KCNK12: variants seen among roughly 807,000 people sequenced by gnomAD.
KCNK12 encodes potassium channel subfamily K member 12.
Under a neutral mutation model 25.3 loss-of-function variants are expected in KCNK12, and 6 were observed. That is an observed-to-expected ratio of 0.24 (90% CI 0.13 to 0.47). The LOEUF is 0.47. Among genes scored for constraint, KCNK12 ranks in the 20% least tolerant of loss-of-function variants. KCNK12 has a pLI of 0.99. For missense variants in KCNK12, 444 were observed against 661.7 expected (o/e 0.67, Z 3.61); for synonymous variants, 331 against 311.1 (o/e 1.06, Z -0.67).
At position 47,534,730 on chromosome 2, in the gene KCNK12, G is replaced by T. The variant is rs114128032; in HGVS notation, c.392-12922C>A. ...ACCTCAGGGCGCTCATGTGGGGCTT[G>T]TGTGGGGAACAGCTCCAGGGTCATA... On this transcript the variant is annotated intron_variant, in intron 1 of 1. Transcript: ENST00000327876. 2.6e-3 allele frequency: 465 copies of T among 175,934 alleles called. 4 individuals carry two copies. Among genetic ancestry groups the T allele is most frequent in the African/African-American group, 9.7e-3 (410 of 42,228 alleles). The allele number at this position is 175,934 out of a possible 1,614,324, so 10.9% of individuals were successfully genotyped here.
chr2:47,553,019 C>G (rs1176803498), intron 1 of KCNK12, among the ~76,000 whole-genome samples: 1 of 152,180 alleles, frequency 6.6e-6, no homozygotes, highest in Non-Finnish European at 1.5e-5. Context: ...GTTCCTATCC[C>G]TAGTCCCCTC....
chr2:47,521,789 G>T lies in KCNK12; in HGVS notation c.411C>A (p.Pro137=). The T allele has an allele frequency of 6.6e-7, 1 of 1,525,660 alleles. No homozygotes were observed. The highest frequency in any genetic ancestry group is 8.8e-7 in the Non-Finnish European group (1 of 1,142,306). 94.5% of individuals were successfully genotyped at this position (1,525,660 alleles called of 1,614,324 possible). Residue 137 remains proline (P), a synonymous_variant, in exon 2 of 2, where the codon CCC becomes CCA. Transcript: ENST00000327876. The stretch of plus-strand genomic sequence containing the variant: ...GGAAGGCCTTCCCGCCCACCGTCGC[G>T]GGGGTGGTCATGCCGAAACCTGTGG... ...VSTIGFGMTT[P]ATVGGKAFLI... is the part of the protein sequence containing the mutation.
Position 47,515,478 on chromosome 2 carries a change from C to T in KCNK12, c.*5429G>A, listed in dbSNP as rs1668504175. Among the ~76,000 whole-genome samples, 1 of 152,094 alleles carries T rather than the reference C, an allele frequency of 6.6e-6. No homozygotes were observed. The highest frequency in any genetic ancestry group is 2.4e-5 in the African/African-American group (1 of 41,406). On this transcript the variant is annotated 3_prime_UTR_variant, in exon 2 of 2. Transcript: ENST00000327876. Reference sequence around the variant, plus strand: ...ATAAATGGGTTAAAACAAGACAAAACAAAACAATACCAGAATGGAAAATAG... The same window carrying T: ...ATAAATGGGTTAAAACAAGACAAAATAAAACAATACCAGAATGGAAAATAG...
chr2:47,542,819 GA>G (rs1392121704), intron 1 of KCNK12, among the ~76,000 whole-genome samples: 7 of 152,212 alleles, frequency 4.6e-5, no homozygotes, highest in Admixed American at 1.3e-4. Context: ...ATGGGAAACT[GA>G]CAGGTTTTCA....
At chr2:47,543,970 G>A (rs897513445) in intron 1 of KCNK12, among the ~76,000 whole-genome samples, 1 of 152,150 alleles carries the variant, frequency 6.6e-6, no homozygotes, top group Non-Finnish European at 1.5e-5. Context: ...CACTGCTCCT[G>A]GAAGCAGGGA....
chr2:47,530,066 C>T (rs1668884535), intron 1 of KCNK12, among the ~76,000 whole-genome samples: 1 of 152,156 alleles, frequency 6.6e-6, no homozygotes, highest in African/African-American at 2.4e-5. Context: ...TCCTGACTGG[C>T]CAGTGTTGGG....
chr2:47,536,210 C>G (rs1669064072), intron 1 of KCNK12, among the ~76,000 whole-genome samples: 1 of 152,194 alleles, frequency 6.6e-6, no homozygotes, highest in South Asian at 2.1e-4. Flanking sequence ...GACTTATTTC[C>G]TTTTCTCTTC....
At position 47,530,033 on chromosome 2, in the gene KCNK12, A is replaced by G. The variant is rs1009120552; in HGVS notation, c.392-8225T>C. ...ACACTCCTCTGAGAAGCTTCTCCCAATATTCCCATCTCATTTGATCCTTCC... is the reference window on the plus strand; with the variant it reads ...ACACTCCTCTGAGAAGCTTCTCCCAGTATTCCCATCTCATTTGATCCTTCC... On this transcript the variant is annotated intron_variant, in intron 1 of 1. Coordinates refer to ENST00000327876, the MANE Select transcript of KCNK12 (RefSeq NM_022055.2). Among the ~76,000 whole-genome samples the G allele has an allele frequency of 2.6e-5, 4 of 152,142 alleles. No individual in the cohort carries two copies. The South Asian group carries it at 6.2e-4, about 24-fold the overall frequency.
At chr2:47,567,956 G>C (rs1456880951) in intron 1 of KCNK12, among the ~76,000 whole-genome samples, 1 of 152,160 alleles carries the variant, frequency 6.6e-6, no homozygotes, top group African/African-American at 2.4e-5. Flanking sequence ...CTGTGGCTGG[G>C]CTCAGAATCA....
At chr2:47,552,198 C>T (rs1669449547) in intron 1 of KCNK12, among the ~76,000 whole-genome samples, 1 of 152,198 alleles carries the variant, frequency 6.6e-6, no homozygotes, top group Admixed American at 6.5e-5. Flanking sequence ...GACAAAAATG[C>T]TATGAATTAA....
rs775628139 is a variant in KCNK12, at chr2:47,562,263, T to C, written c.391+7678A>G. ...CATGCTATCCTACCTTCCTGGTCTG[T>C]AACATCTGTTGCTGTTGAGTATAAA... On this transcript the variant is annotated intron_variant, in intron 1 of 1. Transcript: ENST00000327876. This position sits in a 1 kb window ranked among gnomAD's most constrained non-coding sequence, Gnocchi z 4.8. 4.8e-5 allele frequency: 19 copies of C among 397,010 alleles called. No homozygotes were observed. Among genetic ancestry groups the C allele is most frequent in the Non-Finnish European group, 7.5e-5 (17 of 225,624 alleles). The allele number at this position is 397,010 out of a possible 1,614,324, so 24.6% of individuals were successfully genotyped here. A position where few individuals can be genotyped will look rare whatever the true frequency, so the allele number is the denominator to read the frequency against.
At position 47,514,611 on chromosome 2, in the gene KCNK12, T is replaced by C. The variant is rs1023173705; in HGVS notation, c.*6296A>G. On this transcript the variant is annotated 3_prime_UTR_variant, in exon 2 of 2. Coordinates refer to ENST00000327876, the MANE Select transcript of KCNK12 (RefSeq NM_022055.2). The surrounding 1 kb of genome is among the most constrained non-coding windows in gnomAD (Gnocchi z 5.0). ...TTTTTCTTTTCTTCCTTTTTCTTTT[T>C]TTTTTTTCTTTCTTTTTGAGACAGG... Among the ~76,000 whole-genome samples, 5 of 151,998 alleles carry C rather than the reference T, an allele frequency of 3.3e-5. No homozygotes were observed. The highest frequency in any genetic ancestry group is 1.9e-4 in the East Asian group (1 of 5,182).
intron 1 of KCNK12, among the ~76,000 whole-genome samples, chr2:47,558,072 A>T (rs1255569749): frequency 1.3e-5 from 2 of 152,250 alleles, no homozygotes; most frequent in Non-Finnish European, 2.9e-5. Context: ...GTGCCTAGGT[A>T]GAGTTGGGAA....
rs1019838095 is a variant in KCNK12, at chr2:47,512,369, G to C, written c.*8538C>G. 3.1e-6 allele frequency: 5 copies of C among 1,612,156 alleles called. No homozygotes were observed. Among genetic ancestry groups the C allele is most frequent in the African/African-American group, 2.7e-5 (2 of 75,028 alleles). ...GCTGACATGGAAAAGGAAACTTCGT[G>C]GGGGAAAGAGATCTGCTTGCAGTCG... is the stretch of plus-strand genomic sequence containing the variant. On this transcript the variant is annotated 3_prime_UTR_variant, in exon 2 of 2. Transcript: ENST00000327876.
Position 47,525,576 on chromosome 2 carries a change from A to G in KCNK12, c.392-3768T>C, listed in dbSNP as rs576653766. On this transcript the variant is annotated intron_variant, in intron 1 of 1. Coordinates refer to ENST00000327876, the MANE Select transcript of KCNK12 (RefSeq NM_022055.2). The surrounding 1 kb of genome is among the most constrained non-coding windows in gnomAD (Gnocchi z 4.1). The stretch of plus-strand genomic sequence containing the variant: ...CAGTCCCAGGGGCCATCTGTACTTC[A>G]AGGGCTTGCTTCATCAGGAGATGTG... 6.6e-5 allele frequency among the ~76,000 whole-genome samples: 10 copies of G among 152,268 alleles called. No homozygotes were observed. In the East Asian group the frequency reaches 1.9e-3, roughly 29 times the overall value.
rs1483779150 is a variant in KCNK12 at position 47,556,396 on chromosome 2, T to C, written c.391+13545A>G. 1.3e-5 allele frequency among the ~76,000 whole-genome samples: 2 copies of C among 151,936 alleles called. No homozygotes were observed. Among genetic ancestry groups the C allele is most frequent in the African/African-American group, 4.8e-5 (2 of 41,350 alleles). The stretch of plus-strand genomic sequence containing the variant: ...TTACTTTTATTACCTCAATGGAGTG[T>C]GAAAGAAAGGTAGTTAGCAGAGAGT... On this transcript the variant is annotated intron_variant, in intron 1 of 1. Transcript: ENST00000327876. This position sits in a 1 kb window ranked among gnomAD's most constrained non-coding sequence, Gnocchi z 4.8.
intron 1 of KCNK12, among the ~76,000 whole-genome samples, chr2:47,536,455 G>A (rs889544395): frequency 1.3e-5 from 2 of 152,168 alleles, no homozygotes; most frequent in African/African-American, 4.8e-5. Context: ...CTGACAGTTT[G>A]TCCAGTGATC....
chr2:47,569,851 C>G lies in KCNK12; in HGVS notation c.391+90G>C. ...GGGACATTAGAAGGGAAGGCAGAGC[C>G]GAGGGACGCGGACCGAGCGGCCGAG... On this transcript the variant is annotated intron_variant, in intron 1 of 1. Transcript: ENST00000327876. The surrounding 1 kb of genome is among the most constrained non-coding windows in gnomAD (Gnocchi z 4.1). 2.8e-6 allele frequency: 3 copies of G among 1,085,980 alleles called. No individual in the cohort carries two copies. Among genetic ancestry groups the G allele is most frequent in the Non-Finnish European group, 3.6e-6 (3 of 834,976 alleles). The allele number at this position is 1,085,980 out of a possible 1,614,324, so 67.3% of individuals were successfully genotyped here.
chr2:47,555,204 T>A lies in KCNK12; in HGVS notation c.391+14737A>T, dbSNP rs1371870562. On this transcript the variant is annotated intron_variant, in intron 1 of 1. Coordinates refer to ENST00000327876, the MANE Select transcript of KCNK12 (RefSeq NM_022055.2). This position sits in a 1 kb window ranked among gnomAD's most constrained non-coding sequence, Gnocchi z 4.5. ...TTATTCATCAATAGATAAATGGGTTTAAAGCCAAAGGGTGTGAGGGGGATC... is the reference window on the plus strand; with the variant it reads ...TTATTCATCAATAGATAAATGGGTTAAAAGCCAAAGGGTGTGAGGGGGATC... 1.3e-5 allele frequency among the ~76,000 whole-genome samples: 2 copies of A among 152,200 alleles called. No individual in the cohort carries two copies. The highest frequency in any genetic ancestry group is 2.4e-5 in the African/African-American group (1 of 41,440).
Sources: allele counts gnomAD v4.1 joint callset (sites outside exome capture counted in the v4.1 genomes callset), GRCh38; gene constraint gnomAD v4.1.1; non-coding constraint Gnocchi (gnomAD v3.1); transcripts MANE v1.5; gene names NCBI Gene and HGNC (gene_info 2026-07-23, HGNC 2026-07-21).